CSNK1A1: variants seen among roughly 807,000 people sequenced by gnomAD.
CSNK1A1 encodes casein kinase I isoform alpha.
CSNK1A1 carries 7 observed loss-of-function variants against 46.1 expected under a neutral mutation model. The observed-to-expected ratio is 0.15, with a 90% CI of 0.09 to 0.29. The LOEUF is 0.29. Among genes scored for constraint, CSNK1A1 ranks in the 10% least tolerant of loss-of-function variants. The pLI, the probability that CSNK1A1 is intolerant of heterozygous loss-of-function variation, is 1.00. For synonymous variants in CSNK1A1, 137 were observed against 141.5 expected (o/e 0.97, Z 0.23); for missense variants, 96 against 417.1 (o/e 0.23, Z 6.71).
In CSNK1A1 at chr5:149,550,989, G is replaced by T. The variant is rs746812238; in HGVS notation, c.-25C>A. On this transcript the variant is annotated 5_prime_UTR_variant, in exon 1 of 10. Coordinates refer to ENST00000377843, the MANE Select transcript of CSNK1A1 (RefSeq NM_001892.6). The surrounding 1 kb of genome is among the most constrained non-coding windows in gnomAD (Gnocchi z 4.3). ...TCCTGAGAGACGAAGATGGAGGCTG[G>T]GGCCAAGCCCCGACACCTCTGGGAA... 6.2e-7 allele frequency: 1 copy of T among 1,613,366 alleles called. No individual in the cohort carries two copies. Among genetic ancestry groups the T allele is most frequent in the East Asian group, 2.2e-5 (1 of 44,866 alleles).
rs1760740067 is a variant in CSNK1A1, at chr5:149,499,004, A to G, written c.1007-2144T>C. 18 of 985,476 alleles carry G rather than the reference A, an allele frequency of 1.8e-5. No individual in the cohort carries two copies. The South Asian group carries it at 8.0e-4, about 44-fold the overall frequency. The allele number at this position is 985,476 out of a possible 1,614,324, so 61.0% of individuals were successfully genotyped here. A position where few individuals can be genotyped will look rare whatever the true frequency, so the allele number is the denominator to read the frequency against. On this transcript the variant is annotated intron_variant, in intron 9 of 9. Transcript: ENST00000377843. The stretch of plus-strand genomic sequence containing the variant: ...ATTCCTGGTAGAATAGAGCAGTCAA[A>G]TCCAGCTTTAACTCTTCAAATGGGT...
At chr5:149,546,530 G>C (rs1266136718) in intron 2 of CSNK1A1, among the ~76,000 whole-genome samples, 1 of 151,954 alleles carries the variant, frequency 6.6e-6, no homozygotes, top group Non-Finnish European at 1.5e-5. Flanking sequence ...CTACTCAGGA[G>C]GCTAAGGCAG....
intron 9 of CSNK1A1, among the ~76,000 whole-genome samples, chr5:149,500,536 C>T (rs972760384): frequency 6.6e-6 from 1 of 152,088 alleles, no homozygotes; most frequent in Non-Finnish European, 1.5e-5. Context: ...CTCAGCCTCC[C>T]AAAGTGCTGG....
chr5:149,521,289 T>C (rs1486313543), intron 3 of CSNK1A1, among the ~76,000 whole-genome samples: 4 of 148,982 alleles, frequency 2.7e-5, no homozygotes, highest in Non-Finnish European at 5.9e-5. Context: ...TTTTTTTTTT[T>C]GAGACAGGGT....
At chr5:149,511,076 AGTTCTTTGGGATGCTG>A (rs751053632) in intron 6 of CSNK1A1, among the ~76,000 whole-genome samples, 4 of 152,130 alleles carry the variant, frequency 2.6e-5, no homozygotes, top group Non-Finnish European at 4.4e-5. Context: ...CTGTAATCCC[AGTTCTTTGGGATGCTG>A]AAGCAGGAGA....
rs544143087 is a variant in CSNK1A1 at position 149,549,323 on chromosome 5, G to A, written c.230+752C>T. ...AAACGTGCCAAATATGACCATTCAC[G>A]AAAAGAAAGAGTAATTAACACTTTT... On this transcript the variant is annotated intron_variant, in intron 2 of 9. Transcript: ENST00000377843. 2.7e-5 allele frequency: 16 copies of A among 597,700 alleles called. No individual in the cohort carries two copies. In the East Asian group the frequency reaches 3.6e-4, roughly 13 times the overall value. The allele number at this position is 597,700 out of a possible 1,614,324, so 37.0% of individuals were successfully genotyped here.
intron 2 of CSNK1A1, among the ~76,000 whole-genome samples, chr5:149,539,605 TAAC>T (rs979035478): frequency 1.4e-4 from 22 of 152,090 alleles, no homozygotes; most frequent in African/African-American, 4.8e-4. Flanking sequence ...TGGGGATTAA[TAAC>T]AATTATTAAT....
At chr5:149,543,062 C>A (rs1009765026) in intron 2 of CSNK1A1, among the ~76,000 whole-genome samples, 1 of 151,992 alleles carries the variant, frequency 6.6e-6, no homozygotes, top group South Asian at 2.1e-4. Flanking sequence ...AATAAGAACA[C>A]CCTGAATCGT....
chr5:149,551,074 A>G lies in CSNK1A1; in HGVS notation c.-110T>C. ...AGGCTACGGAGGAGGGCGGCAGGAA[A>G]CGGAACACGGAGGCCTTTACCGGGG... is the stretch of plus-strand genomic sequence containing the variant. On this transcript the variant is annotated 5_prime_UTR_variant, in exon 1 of 10. Transcript: ENST00000377843. The G allele has an allele frequency of 8.0e-7, 1 of 1,247,764 alleles. No individual in the cohort carries two copies. Among genetic ancestry groups the G allele is most frequent in the Non-Finnish European group, 1.1e-6 (1 of 887,012 alleles). The allele number at this position is 1,247,764 out of a possible 1,614,324, so 77.3% of individuals were successfully genotyped here.
rs1314926034 is a variant in CSNK1A1 at position 149,496,764 on chromosome 5, T to A, written c.*89A>T. On this transcript the variant is annotated 3_prime_UTR_variant, in exon 10 of 10. Transcript: ENST00000377843. Reference sequence around the variant, plus strand: ...ATGGTTGTCCACAACCACTGGCTAGTGTACATATGAACTAAAATTTCTAGA... The same window carrying A: ...ATGGTTGTCCACAACCACTGGCTAGAGTACATATGAACTAAAATTTCTAGA... 25 of 1,513,764 alleles carry A rather than the reference T, an allele frequency of 1.7e-5. No individual in the cohort carries two copies. In the South Asian group the frequency reaches 3.1e-4, roughly 19 times the overall value. 93.8% of individuals were successfully genotyped at this position (1,513,764 alleles called of 1,614,324 possible). A position where few individuals can be genotyped will look rare whatever the true frequency, so the allele number is the denominator to read the frequency against.
At chr5:149,496,934 A>T (rs914796549) in intron 9 of CSNK1A1, 74 bp from the exon 10 acceptor site, 1 of 1,521,506 alleles carries the variant, frequency 6.6e-7, no homozygotes, top group African/African-American at 1.4e-5. Context: ...AAAATATGGA[A>T]ATTGGGTGGA....
intron 9 of CSNK1A1, chr5:149,499,309 G>A: frequency 2.4e-6 from 2 of 838,090 alleles, no homozygotes; most frequent in Non-Finnish European, 2.9e-6. Flanking sequence ...AAAAAAAGGG[G>A]AGGGGGAGGG....
intron 9 of CSNK1A1, chr5:149,503,676 A>G: frequency 3.0e-6 from 3 of 985,446 alleles, no homozygotes; most frequent in Non-Finnish European, 3.6e-6. Context: ...AAACTAACTC[A>G]GTGGATCCAA....
intron 2 of CSNK1A1, chr5:149,545,493 C>G: frequency 1.7e-6 from 1 of 591,160 alleles, no homozygotes; most frequent in Non-Finnish European, 3.1e-6. Flanking sequence ...TTGGCCCACA[C>G]AGTCTGAGCC....
rs1760644929 is a variant in CSNK1A1, at chr5:149,495,998, T to C, written c.*855A>G. 6.6e-6 allele frequency: 1 copy of C among 152,568 alleles called. No homozygotes were observed. The highest frequency in any genetic ancestry group is 1.5e-5 in the Non-Finnish European group (1 of 68,024). 9.5% of individuals were successfully genotyped at this position (152,568 alleles called of 1,614,324 possible). ...ATCTCATTTCCTTACAGAAACAGTTTTTAGTTTTTAATGAACTTGTAAACA... is the reference window on the plus strand; with the variant it reads ...ATCTCATTTCCTTACAGAAACAGTTCTTAGTTTTTAATGAACTTGTAAACA... On this transcript the variant is annotated 3_prime_UTR_variant, in exon 10 of 10. Transcript: ENST00000377843.
rs2113128858 is a variant in CSNK1A1, at chr5:149,525,899, C to G, written c.231-728G>C. ...AAGAGTACTTTCCTTAAAATAAGCA[C>G]TACCACTTTTCTTTCAAACTTTTCT... On this transcript the variant is annotated intron_variant, in intron 2 of 9. Transcript: ENST00000377843. This position sits in a 1 kb window ranked among gnomAD's most constrained non-coding sequence, Gnocchi z 4.2. Among the ~76,000 whole-genome samples, 1 of 152,304 alleles carries G rather than the reference C, an allele frequency of 6.6e-6. No individual in the cohort carries two copies. Among genetic ancestry groups the G allele is most frequent in the East Asian group, 1.9e-4 (1 of 5,182 alleles).
chr5:149,515,061 G>A (rs540366320), intron 4 of CSNK1A1, among the ~76,000 whole-genome samples: 1 of 152,300 alleles, frequency 6.6e-6, no homozygotes, highest in East Asian at 1.9e-4. Context: ...CAAAACAAAA[G>A]TGATGATTAA....
At chr5:149,533,507 A>G (rs1189398607) in intron 2 of CSNK1A1, among the ~76,000 whole-genome samples, 1 of 152,168 alleles carries the variant, frequency 6.6e-6, no homozygotes, top group Non-Finnish European at 1.5e-5. Flanking sequence ...AGGTTGGTAT[A>G]GTGTGTAAGA....
At chr5:149,498,734 T>C (rs932621757) in intron 9 of CSNK1A1, 2 of 985,166 alleles carry the variant, frequency 2.0e-6, no homozygotes, top group Non-Finnish European at 2.4e-6. Flanking sequence ...TCTTATGTAA[T>C]CATATTAAAC....
Sources: gnomAD v4.1 joint callset for allele counts (sites outside exome capture counted in the v4.1 genomes callset) on GRCh38, gnomAD v4.1.1 for gene constraint, Gnocchi (gnomAD v3.1) non-coding constraint, MANE v1.5 for transcripts, NCBI Gene and HGNC (gene_info 2026-07-23, HGNC 2026-07-21) for gene names.